Variants in RAD17 observed in about 807,000 individuals in gnomAD.
RAD17 encodes the protein cell cycle checkpoint protein RAD17.
Under a neutral mutation model 81.5 loss-of-function variants are expected in RAD17, and 31 were observed. The ratio of observed to expected loss-of-function variants is 0.38; its 90% CI spans 0.29 to 0.51. The LOEUF is 0.51. RAD17 is among the 20% of genes least tolerant of loss of function. RAD17 has a pLI of 0.88. For synonymous variants in RAD17, 261 were observed against 266.2 expected, an observed-to-expected ratio of 0.98 and a Z score of 0.19; for missense variants, 681 against 781.2, an observed-to-expected ratio of 0.87 and a Z score of 1.53.
At chr5:69,407,004 T>A (rs1765645654) in intron 17 of RAD17, among the ~76,000 whole-genome samples, 1 of 145,640 alleles carries the variant, frequency 6.9e-6, no homozygotes. Context: ...AGTAGATTTT[T>A]TTTTTTTTTT....
chr5:69,378,205 G>A (rs1763634671), intron 6 of RAD17, among the ~76,000 whole-genome samples: 1 of 152,132 alleles, frequency 6.6e-6, no homozygotes, highest in Non-Finnish European at 1.5e-5. Context: ...ATGGGCAAAC[G>A]AAATTTACTT....
intron 1 of RAD17, among the ~76,000 whole-genome samples, chr5:69,370,523 A>G (rs4252213): frequency 1.1e-4 from 16 of 152,160 alleles, no homozygotes; most frequent in African/African-American, 3.9e-4. Context: ...CATTTTTAAT[A>G]GAGACGGGGT....
intron 7 of RAD17, among the ~76,000 whole-genome samples, chr5:69,383,675 C>T (rs749411659): frequency 4.6e-5 from 7 of 152,056 alleles, no homozygotes; most frequent in East Asian, 1.9e-4. Flanking sequence ...CCACCACGCC[C>T]GGCCCATTAT....
chr5:69,402,003 CAAAAAAAA>C lies in RAD17; in HGVS notation c.1693+1851_1693+1858del, dbSNP rs1173414879. ...TGGGCAACAGAGCAAGACTCTGTCT[CAAAAAAAA>C]AAAAAAAAAAAAAAAAGATTACACT... On this transcript the variant is annotated intron_variant, in intron 17 of 18. Transcript: ENST00000354868. Among the ~76,000 whole-genome samples, 73 of 44,924 alleles carry C rather than the reference CAAAAAAAA, an allele frequency of 1.6e-3. 2 individuals carry two copies. Among genetic ancestry groups the C allele is most frequent in the Middle Eastern group, 0.038 (2 of 52 alleles). The allele number at this position is 44,924 out of a possible 152,430, so 29.5% of individuals were successfully genotyped here. A position where few individuals can be genotyped will look rare whatever the true frequency, so the allele number is the denominator to read the frequency against.
At chr5:69,372,277 T>C in intron 4 of RAD17, 60 bp downstream of exon 4, 1 of 1,354,912 alleles carries the variant, frequency 7.4e-7, no homozygotes, top group South Asian at 1.2e-5. Context: ...GCCGATAATA[T>C]TCCTAACTCT....
At chr5:69,394,583 C>T (rs916982696) in intron 15 of RAD17, among the ~76,000 whole-genome samples, 3 of 87,048 alleles carry the variant, frequency 3.4e-5, no homozygotes, top group African/African-American at 1.0e-4. Flanking sequence ...CCACATGTAG[C>T]TATTTACATT....
rs116365149 is a variant in RAD17, at chr5:69,373,443, T to C, written c.10-387T>C. Among the ~76,000 whole-genome samples the C allele has an allele frequency of 4.7e-3, 710 of 152,266 alleles. 2 individuals carry two copies. Among genetic ancestry groups the C allele is most frequent in the African/African-American group, 0.016 (668 of 41,528 alleles). On this transcript the variant is annotated intron_variant, in intron 4 of 18. Transcript: ENST00000354868. ...GGCCGGGTATGGTGGCTTATACCTT[T>C]AATCCCAGCTCTTTGGGAGGCTGAT...
chr5:69,387,672 A>G (rs1308840631), intron 11 of RAD17, among the ~76,000 whole-genome samples: 2 of 152,162 alleles, frequency 1.3e-5, no homozygotes, highest in Non-Finnish European at 2.9e-5. Context: ...AGCCTGGCCA[A>G]CAGGTGAAAC....
chr5:69,410,617 A>G, intron 18 of RAD17, 67 bp downstream of exon 18: 2 of 1,363,026 alleles, frequency 1.5e-6, no homozygotes, highest in East Asian at 2.3e-5. Context: ...TTCAGTATGA[A>G]TCAATAACTG....
At position 69,374,705 on chromosome 5, in the gene RAD17, A is replaced by G. The variant is rs748322831; in HGVS notation, c.345A>G (p.Pro115=). 2 of 1,602,876 alleles carry G rather than the reference A, an allele frequency of 1.2e-6. No homozygotes were observed. The highest frequency in any genetic ancestry group is 2.2e-5 in the South Asian group (2 of 89,226). Residue 115 remains proline, a synonymous_variant, in exon 6 of 19, where the codon CCA becomes CCG. Transcript: ENST00000354868. ...WLKAQVLERQ[P]KQGGSILLIT... is the part of the protein sequence containing the mutation. ...AAGCTCAAGTTTTAGAAAGGCAACC[A>G]AAACAGGTAACTAAGAAATGTGTTT...
At chr5:69,406,881 G>A (rs1765636142) in intron 17 of RAD17, among the ~76,000 whole-genome samples, 1 of 151,538 alleles carries the variant, frequency 6.6e-6, no homozygotes, top group South Asian at 2.1e-4. Context: ...ACTCTGTGAG[G>A]TAATATATAT....
At chr5:69,369,998 T>G in intron 1 of RAD17, 65 bp downstream of exon 1, 1 of 422,648 alleles carries the variant, frequency 2.4e-6, no homozygotes, top group Non-Finnish European at 4.2e-6. Flanking sequence ...TATCTCTGCC[T>G]TCAAGCTTTC....
At chr5:69,387,328 C>G (rs1764276548) in intron 11 of RAD17, among the ~76,000 whole-genome samples, 1 of 152,082 alleles carries the variant, frequency 6.6e-6, no homozygotes, top group Non-Finnish European at 1.5e-5. Flanking sequence ...TTAGGGAATC[C>G]TATTGGTATA....
intron 11 of RAD17, among the ~76,000 whole-genome samples, chr5:69,388,624 A>AT (rs899076886): frequency 9.3e-5 from 14 of 150,736 alleles, no homozygotes; most frequent in Middle Eastern, 3.4e-3. Flanking sequence ...TTTTAAGATA[A>AT]TTTTTTTTTT....
chr5:69,404,769 CAAA>C (rs35403077), intron 17 of RAD17, among the ~76,000 whole-genome samples: 2 of 142,810 alleles, frequency 1.4e-5, no homozygotes, highest in African/African-American at 2.6e-5. Context: ...AATTCTGTTT[CAAA>C]AAAAAAAAAA....
At chr5:69,378,646 G>A (rs1763658554) in intron 6 of RAD17, among the ~76,000 whole-genome samples, 1 of 152,102 alleles carries the variant, frequency 6.6e-6, no homozygotes, top group South Asian at 2.1e-4. Flanking sequence ...CAACATTTTT[G>A]TCAACCCATC....
chr5:69,374,759 G>C (rs748795868), intron 6 of RAD17, 48 bp downstream of exon 6: 2 of 1,396,446 alleles, frequency 1.4e-6, no homozygotes, highest in East Asian at 4.6e-5. Context: ...ATATTTTTCT[G>C]ACTTACAGTG....
In RAD17 at chr5:69,393,214, C is replaced by G. The variant is rs1350667909; in HGVS notation, c.1249C>G (p.Arg417Gly). The change falls in exon 14 of 19, where the codon CGG (arginine) becomes GGG (glycine). Residue 417 changes from arginine (R) to glycine (G), a missense_variant. By Grantham distance (125) the Arg-to-Gly change is moderately radical (BLOSUM62 -2). Coordinates refer to ENST00000354868, the MANE Select transcript of RAD17 (RefSeq NM_133338.3). ...GCCCTCTCATTTATCAGAATATGAA[C>G]GGGATACATTACTTGTTGAACCTGA... ...RLPSHLSEYE[R>G]DTLLVEPEEV... The G allele has an allele frequency of 6.2e-7, 1 of 1,610,878 alleles. No homozygotes were observed. Among genetic ancestry groups the G allele is most frequent in the Non-Finnish European group, 8.5e-7 (1 of 1,177,686 alleles).
At chr5:69,399,104 AAG>A (rs1188043413) in intron 16 of RAD17, among the ~76,000 whole-genome samples, 1 of 151,994 alleles carries the variant, frequency 6.6e-6, no homozygotes, top group African/African-American at 2.4e-5. Flanking sequence ...CTACAGGAAA[AAG>A]GAAAAATTTT....
Sources: allele counts gnomAD v4.1 joint callset (sites outside exome capture counted in the v4.1 genomes callset), GRCh38; gene constraint gnomAD v4.1.1; transcripts MANE v1.5; gene names NCBI Gene and HGNC (gene_info 2026-07-23, HGNC 2026-07-21).